The following SYT3 variants were observed in gnomAD, a reference collection of about 807,000 sequenced individuals.
The protein encoded by SYT3 is synaptotagmin 3, also known as synaptotagmin-3.
Under a neutral mutation model 50.6 loss-of-function variants are expected in SYT3, and 25 were observed. The ratio of observed to expected loss-of-function variants is 0.49; its 90% CI spans 0.36 to 0.69. SYT3 has a LOEUF of 0.69. Ranked by LOEUF, SYT3 falls within the 30% of genes least tolerant of loss-of-function variation. The pLI, the probability that SYT3 is intolerant of heterozygous loss-of-function variation, is 0.00. For synonymous variants in SYT3, 323 were observed against 353.9 expected (o/e 0.91, Z 0.98); for missense variants, 589 against 793.6 (o/e 0.74, Z 3.10).
At chr19:50,633,818 A>C (rs1984405310) in intron 3 of SYT3, among the ~76,000 whole-genome samples, 1 of 152,222 alleles carries the variant, frequency 6.6e-6, no homozygotes, top group African/African-American at 2.4e-5. Context: ...TTTCCACAAA[A>C]GAAAACTGAG....
the SYT3 span, chr19:50,649,569 G>C: frequency 7.3e-6 from 11 of 1,513,492 alleles, no homozygotes; most frequent in African/African-American, 1.2e-4. Flanking sequence ...GCAGTGCGTA[G>C]TAGCCCGGGC....
At chr19:50,624,206 C>G (rs1233656604) in intron 9 of SYT3, among the ~76,000 whole-genome samples, 1 of 152,168 alleles carries the variant, frequency 6.6e-6, no homozygotes, top group East Asian at 1.9e-4. Context: ...CTCAAGTGAT[C>G]CACCCACCTT....
the SYT3 span, among the ~76,000 whole-genome samples, chr19:50,648,174 G>A: frequency 4.6e-5 from 7 of 152,128 alleles, no homozygotes; most frequent in East Asian, 1.4e-3. Flanking sequence ...TGGTGATGTG[G>A]TAGCACCGAG....
chr19:50,649,121 G>A, the SYT3 span, among the ~76,000 whole-genome samples: 1 of 150,174 alleles, frequency 6.7e-6, no homozygotes, highest in Non-Finnish European at 1.5e-5. Context: ...GAGGGGAGGA[G>A]GCAGGGGGGC....
chr19:50,622,390 A>T lies in SYT3; in HGVS notation c.*95T>A. On this transcript the variant is annotated 3_prime_UTR_variant, in exon 11 of 11. Coordinates refer to ENST00000600079, the MANE Select transcript of SYT3 (RefSeq NM_001160329.2). ...GGGCTGCCCCGCACCAGCAGCTCGG[A>T]CGTTATGGCTTCAAGGAGATGAATT... 1 of 247,700 alleles carries T rather than the reference A, an allele frequency of 4.0e-6. No individual in the cohort carries two copies. The highest frequency in any genetic ancestry group is 8.0e-6 in the Non-Finnish European group (1 of 125,558). The allele number at this position is 247,700 out of a possible 1,614,324, so 15.3% of individuals were successfully genotyped here.
At chr19:50,634,572 C>CTTTTTTT (rs3028785) in intron 3 of SYT3, among the ~76,000 whole-genome samples, 7 of 74,244 alleles carry the variant, frequency 9.4e-5, no homozygotes, top group Non-Finnish European at 1.0e-4. Context: ...TCTTGGGGTG[C>CTTTTTTT]TTTTTTTTTT....
chr19:50,622,887 C>T (rs546851245), intron 9 of SYT3, 132 bp from the exon 10 acceptor site: 45 of 509,090 alleles, frequency 8.8e-5, no homozygotes, highest in Middle Eastern at 1.1e-3. Context: ...CCTGAAGTGA[C>T]GGACAGATGG....
chr19:50,650,341 T>G, the SYT3 span, among the ~76,000 whole-genome samples: 1 of 152,242 alleles, frequency 6.6e-6, no homozygotes, highest in Non-Finnish European at 1.5e-5. Context: ...TGGAGTAGTA[T>G]CTCAGTGAGG....
chr19:50,638,344 C>T (rs770101437), intron 2 of SYT3, among the ~76,000 whole-genome samples: 13 of 151,712 alleles, frequency 8.6e-5, no homozygotes, highest in Non-Finnish European at 1.3e-4. Context: ...CTGGGGTAGA[C>T]GCGGGGAGGG....
chr19:50,652,909 C>T, the SYT3 span, among the ~76,000 whole-genome samples: 2 of 152,176 alleles, frequency 1.3e-5, no homozygotes, highest in African/African-American at 2.4e-5. Context: ...TATCCTTATT[C>T]TATCATTTTG....
upstream of SYT3, among the ~76,000 whole-genome samples, chr19:50,642,041 C>A (rs976529381): frequency 3.3e-5 from 5 of 152,176 alleles, no homozygotes; most frequent in African/African-American, 4.8e-5. Flanking sequence ...CATTTTGCAG[C>A]CATTATACTA....
rs1984371226 is a variant in SYT3 at position 50,632,925 on chromosome 19, G to C, written c.149-114C>G. 1.2e-6 allele frequency: 1 copy of C among 800,886 alleles called. No homozygotes were observed. Among genetic ancestry groups the C allele is most frequent in the Non-Finnish European group, 1.8e-6 (1 of 548,552 alleles). The allele number at this position is 800,886 out of a possible 1,614,324, so 49.6% of individuals were successfully genotyped here. A position where few individuals can be genotyped will look rare whatever the true frequency, so the allele number is the denominator to read the frequency against. On this transcript the variant is annotated intron_variant, in intron 3 of 10. Transcript: ENST00000600079. The surrounding 1 kb of genome is among the most constrained non-coding windows in gnomAD (Gnocchi z 4.7). ...TTGCCATGCAATTGTCCATGCAATT[G>C]CAAGTGCCAGGCACTTTACATGTAT... is the stretch of plus-strand genomic sequence containing the variant.
rs1455858300 is a variant in SYT3, at chr19:50,637,123, G to A, written c.148+141C>T. 1.8e-6 allele frequency: 2 copies of A among 1,099,980 alleles called. No homozygotes were observed. Among genetic ancestry groups the A allele is most frequent in the African/African-American group, 1.6e-5 (1 of 64,498 alleles). The allele number at this position is 1,099,980 out of a possible 1,614,324, so 68.1% of individuals were successfully genotyped here. A position where few individuals can be genotyped will look rare whatever the true frequency, so the allele number is the denominator to read the frequency against. ...TTCCCCTTGGATCAGAGATTTGGGA[G>A]AAGGGCAGCAGCAGGCAGAATGGGG... is the stretch of plus-strand genomic sequence containing the variant. On this transcript the variant is annotated intron_variant, in intron 3 of 10. Transcript: ENST00000600079. This position sits in a 1 kb window ranked among gnomAD's most constrained non-coding sequence, Gnocchi z 4.9.
the SYT3 span, among the ~76,000 whole-genome samples, chr19:50,655,573 C>T: frequency 4.0e-5 from 6 of 151,504 alleles, no homozygotes; most frequent in Non-Finnish European, 7.4e-5. Flanking sequence ...GGCGTGAACC[C>T]GGGAGGCAGA....
the SYT3 span, chr19:50,656,312 C>G: frequency 1.3e-6 from 2 of 1,536,224 alleles, no homozygotes; most frequent in African/African-American, 1.4e-5. Context: ...ACACCACCAG[C>G]TTCCCAGCCC....
At chr19:50,623,181 G>A (rs1983911093) in intron 9 of SYT3, among the ~76,000 whole-genome samples, 1 of 152,016 alleles carries the variant, frequency 6.6e-6, no homozygotes, top group African/African-American at 2.4e-5. Flanking sequence ...TGTGCCACCA[G>A]CGTTGCCCAA....
chr19:50,652,117 G>A, the SYT3 span, among the ~76,000 whole-genome samples: 28 of 152,134 alleles, frequency 1.8e-4, no homozygotes, highest in Non-Finnish European at 3.5e-4. Context: ...CCAAAGTGCC[G>A]GGATGATAGG....
the SYT3 span, chr19:50,658,086 A>C: frequency 1.3e-6 from 2 of 1,535,920 alleles, no homozygotes; most frequent in Non-Finnish European, 1.7e-6. Context: ...ATCCGCTTTG[A>C]GAACATGAAC....
chr19:50,634,691 C>A (rs866337499), intron 3 of SYT3, among the ~76,000 whole-genome samples: 11 of 148,782 alleles, frequency 7.4e-5, no homozygotes, highest in South Asian at 2.1e-4. Flanking sequence ...TCAAGCACTT[C>A]CTGTGCCTGA....
Sources: allele counts gnomAD v4.1 joint callset (sites outside exome capture counted in the v4.1 genomes callset), GRCh38; gene constraint gnomAD v4.1.1; non-coding constraint Gnocchi (gnomAD v3.1); transcripts MANE v1.5; gene names NCBI Gene and HGNC (gene_info 2026-07-23, HGNC 2026-07-21).